Variants in AGBL3 observed in about 807,000 individuals in gnomAD.
The protein encoded by AGBL3 is AGBL carboxypeptidase 3, also known as cytosolic carboxypeptidase 3.
A neutral mutation model predicts 94.5 loss-of-function variants in AGBL3; 68 were observed. That is an observed-to-expected ratio of 0.72 (90% CI 0.59 to 0.88). AGBL3 has a LOEUF of 0.88. Among genes scored for constraint, AGBL3 ranks in the 40% least tolerant of loss-of-function variants. The probability of loss-of-function intolerance (pLI) is 0.00; values close to 1 mark genes in which losing one functional copy is unlikely to be tolerated. For missense variants in AGBL3, 934 were observed against 1,103.8 expected (o/e 0.85, Z 2.18); for synonymous variants, 354 against 370.7 (o/e 0.95, Z 0.52).
chr7:135,011,956 A>G (rs1813211093), intron 4 of AGBL3: 1 of 152,320 alleles, frequency 6.6e-6, no homozygotes. Flanking sequence ...TCTAAGCAAT[A>G]TGTATAAAGC....
intron 11 of AGBL3, among the ~76,000 whole-genome samples, chr7:135,056,768 G>A (rs919810215): frequency 6.6e-6 from 1 of 152,072 alleles, no homozygotes; most frequent in Non-Finnish European, 1.5e-5. Flanking sequence ...GAGAGTTTGT[G>A]TTCATAGACA....
At chr7:135,074,823 T>C (rs188105949) in intron 12 of AGBL3, among the ~76,000 whole-genome samples, 6 of 152,244 alleles carry the variant, frequency 3.9e-5, no homozygotes, top group African/African-American at 1.2e-4. Context: ...AGAACAAGTT[T>C]GTATTCTGTG....
At position 135,034,304 on chromosome 7, in the gene AGBL3, G is replaced by A. The variant is rs370944722; in HGVS notation, c.713G>A (p.Gly238Asp). Residue 238 changes from glycine (G) to aspartate (D), a missense_variant, in exon 7 of 17, where the codon GGT becomes GAT. Physicochemically the swap from Gly to Asp is moderately conservative, Grantham distance 94. This residue lies in a region of AGBL3 where 488 missense variants were observed against 563.6 expected (regional missense o/e 0.87). Transcript: ENST00000436302. ...AAACCTGCTAGTCTTTACAGTCGGG[G>A]TATGCGCCCACTGTTCTATTCTGAA... is the stretch of plus-strand genomic sequence containing the variant. The part of the protein sequence containing the change: ...FTKPASLYSR[G>D]MRPLFYSEKE... 1.9e-6 allele frequency: 3 copies of A among 1,551,554 alleles called. No individual in the cohort carries two copies. The African/African-American group carries it at 4.1e-5, about 21-fold the overall frequency.
intron 15 of AGBL3, among the ~76,000 whole-genome samples, chr7:135,104,207 G>A (rs1167275170): frequency 6.6e-6 from 1 of 152,054 alleles, no homozygotes; most frequent in Admixed American, 6.6e-5. Context: ...TAAGGTTAAT[G>A]GCCTCCACCT....
At chr7:135,008,106 G>A (rs1255005383) in intron 4 of AGBL3, among the ~76,000 whole-genome samples, 1 of 151,838 alleles carries the variant, frequency 6.6e-6, no homozygotes, top group Non-Finnish European at 1.5e-5. Flanking sequence ...GAATACCAGT[G>A]GGTTGCTTTG....
intron 16 of AGBL3, among the ~76,000 whole-genome samples, chr7:135,133,030 C>T (rs2117358090): frequency 6.6e-6 from 1 of 151,598 alleles, no homozygotes; most frequent in East Asian, 1.9e-4. Context: ...GTAGAAAATC[C>T]TAATAAATTT....
intron 15 of AGBL3, among the ~76,000 whole-genome samples, chr7:135,098,811 ATT>A (rs1340162454): frequency 6.6e-6 from 1 of 152,184 alleles, no homozygotes; most frequent in Non-Finnish European, 1.5e-5. Flanking sequence ...GAAATATGTC[ATT>A]GTTAGTTTTT....
At chr7:135,057,335 G>A (rs1476433913) in intron 11 of AGBL3, among the ~76,000 whole-genome samples, 4 of 151,990 alleles carry the variant, frequency 2.6e-5, no homozygotes, top group African/African-American at 9.7e-5. Context: ...AAATTCTCTT[G>A]AATTTGGTAA....
chr7:135,078,740 A>G (rs1820676801), intron 13 of AGBL3, among the ~76,000 whole-genome samples: 1 of 152,148 alleles, frequency 6.6e-6, no homozygotes, highest in African/African-American at 2.4e-5. Flanking sequence ...ATTTGGTCAA[A>G]TGCTTTGAGA....
intron 11 of AGBL3, among the ~76,000 whole-genome samples, chr7:135,047,946 T>A (rs1436778771): frequency 6.6e-6 from 1 of 151,874 alleles, no homozygotes; most frequent in Non-Finnish European, 1.5e-5. Flanking sequence ...TTTGCAGAGA[T>A]CAGCGCCATG....
At chr7:135,064,632 C>T (rs557392256) in intron 12 of AGBL3, among the ~76,000 whole-genome samples, 1 of 152,278 alleles carries the variant, frequency 6.6e-6, no homozygotes, top group East Asian at 1.9e-4. Flanking sequence ...TTGCTGATGA[C>T]ATGTTTATAA....
chr7:135,108,548 G>A (rs1294246628), intron 15 of AGBL3, among the ~76,000 whole-genome samples: 1 of 152,114 alleles, frequency 6.6e-6, no homozygotes, highest in Non-Finnish European at 1.5e-5. Context: ...ATCTCTTCTG[G>A]CTTGTAGGGT....
At chr7:135,122,882 C>G (rs1035019169) in intron 16 of AGBL3, among the ~76,000 whole-genome samples, 3 of 152,144 alleles carry the variant, frequency 2.0e-5, no homozygotes, top group Admixed American at 1.3e-4. Context: ...AGAAAAACCC[C>G]ATCCAAGGAT....
At chr7:134,993,295 A>G (rs1810536883) in intron 3 of AGBL3, among the ~76,000 whole-genome samples, 198 bp from the exon 4 acceptor site, 1 of 152,238 alleles carries the variant, frequency 6.6e-6, no homozygotes. Context: ...AAAGTCAACT[A>G]TCTTTTGGCT....
chr7:134,989,381 TA>T (rs1809924534), intron 3 of AGBL3, 71 bp downstream of exon 3: 6 of 1,071,308 alleles, frequency 5.6e-6, no homozygotes, highest in Non-Finnish European at 6.7e-6. Flanking sequence ...ATGAGGAAAC[TA>T]AAAAGTCAGA....
At chr7:135,071,857 G>A (rs75720977) in intron 12 of AGBL3, among the ~76,000 whole-genome samples, 73,496 of 151,708 alleles carry the variant, frequency 0.48, 18,128 homozygotes, top group South Asian at 0.66. Context: ...CATGGGCAAG[G>A]ACTTCATGTC....
intron 12 of AGBL3, among the ~76,000 whole-genome samples, chr7:135,066,881 C>G: frequency 6.6e-6 from 1 of 152,278 alleles, no homozygotes; most frequent in Non-Finnish European, 1.5e-5. Flanking sequence ...GGATGTCGGA[C>G]AGTGGGTGCA....
intron 16 of AGBL3, among the ~76,000 whole-genome samples, chr7:135,126,481 T>A (rs1014284647): frequency 3.9e-5 from 6 of 152,194 alleles, no homozygotes; most frequent in Admixed American, 1.3e-4. Context: ...ATTTATAGAT[T>A]CAACACTTTT....
chr7:135,076,231 T>G (rs1273039911), intron 12 of AGBL3, among the ~76,000 whole-genome samples, 166 bp from the exon 13 acceptor site: 1 of 152,190 alleles, frequency 6.6e-6, no homozygotes, highest in Non-Finnish European at 1.5e-5. Flanking sequence ...TTTCCATCTT[T>G]TAGAGCTTCT....
Sources: gnomAD v4.1 joint callset for allele counts (sites outside exome capture counted in the v4.1 genomes callset) on GRCh38, gnomAD v4.1.1 for gene constraint, gnomAD v4.1.1 regional missense constraint, MANE v1.5 for transcripts, NCBI Gene and HGNC (gene_info 2026-07-23, HGNC 2026-07-21) for gene names.